Variants in SLC37A2 observed in about 807,000 individuals in gnomAD.
SLC37A2 encodes glucose-6-phosphate exchanger SLC37A2.
Under a neutral mutation model 70.7 loss-of-function variants are expected in SLC37A2, and 59 were observed. That is an observed-to-expected ratio of 0.83 (90% CI 0.68 to 1.04). The LOEUF (loss-of-function observed/expected upper bound fraction) is 1.04, where lower values mean the gene tolerates loss of function less well. Among genes scored for constraint, SLC37A2 ranks in the 50% least tolerant of loss-of-function variants. The pLI, the probability that SLC37A2 is intolerant of heterozygous loss-of-function variation, is 0.00. For missense variants in SLC37A2, 580 were observed against 658.1 expected, an observed-to-expected ratio of 0.88 and a Z score of 1.30; for synonymous variants, 257 against 262.1, an observed-to-expected ratio of 0.98 and a Z score of 0.19.
chr11:125,086,047 C>T (rs1295925359), intron 17 of SLC37A2, 29 bp downstream of exon 17: 1 of 1,604,794 alleles, frequency 6.2e-7, no homozygotes. Flanking sequence ...AGCTGCCCCT[C>T]TACCAACCTC....
chr11:125,076,121 G>A (rs895617131), intron 1 of SLC37A2, among the ~76,000 whole-genome samples: 1 of 152,108 alleles, frequency 6.6e-6, no homozygotes, highest in Non-Finnish European at 1.5e-5. Context: ...GATGAGACGT[G>A]AGGGGTGAGA....
intron 14 of SLC37A2, 33 bp downstream of exon 14, chr11:125,085,172 C>T (rs370447589): frequency 3.9e-5 from 62 of 1,600,144 alleles, no homozygotes; most frequent in Admixed American, 1.0e-4. Context: ...GGCCAGGGAC[C>T]GTTCTGGGGG....
At chr11:125,079,533 C>T (rs1450580756) in intron 5 of SLC37A2, 151 bp from the exon 6 acceptor site, 2 of 658,956 alleles carry the variant, frequency 3.0e-6, no homozygotes, top group Non-Finnish European at 2.6e-6. Flanking sequence ...GGAGGTGTGG[C>T]ATGTGTGTAA....
chr11:125,080,377 A>G lies in SLC37A2; in HGVS notation c.528-237A>G, dbSNP rs761251146. On this transcript the variant is annotated intron_variant, in intron 6 of 17. Transcript: ENST00000403796. The surrounding 1 kb of genome is among the most constrained non-coding windows in gnomAD (Gnocchi z 4.3). Reference sequence around the variant, plus strand: ...TGCCCTCAGTGTGGCTAGAGCTCCCATCGGCACTCACTCAGGGAGCTGGGC... The same window carrying G: ...TGCCCTCAGTGTGGCTAGAGCTCCCGTCGGCACTCACTCAGGGAGCTGGGC... Among the ~76,000 whole-genome samples, 3 of 152,162 alleles carry G rather than the reference A, an allele frequency of 2.0e-5. No homozygotes were observed. The highest frequency in any genetic ancestry group is 4.4e-5 in the Non-Finnish European group (3 of 68,024).
intron 1 of SLC37A2, among the ~76,000 whole-genome samples, chr11:125,071,385 G>A (rs574853847): frequency 3.9e-5 from 6 of 152,232 alleles, no homozygotes; most frequent in East Asian, 3.9e-4. Flanking sequence ...CTGTTATTCC[G>A]GCTGCTGATC....
chr11:125,069,752 G>A (rs1002227724), intron 1 of SLC37A2, among the ~76,000 whole-genome samples: 3 of 152,248 alleles, frequency 2.0e-5, no homozygotes, highest in African/African-American at 7.2e-5. Context: ...GTCATGTGGC[G>A]CCAGGTGTGT....
At chr11:125,076,913 C>A in intron 2 of SLC37A2, 75 bp downstream of exon 2, 2 of 1,432,728 alleles carry the variant, frequency 1.4e-6, no homozygotes, top group Non-Finnish European at 9.7e-7. Flanking sequence ...CCATGGCCAC[C>A]GAGGTTGCAC....
At chr11:125,081,271 C>T (rs1432642679) in intron 7 of SLC37A2, 150 bp from the exon 8 acceptor site, 1 of 741,266 alleles carries the variant, frequency 1.3e-6, no homozygotes, top group Non-Finnish European at 2.2e-6. Flanking sequence ...CTCCCTCCTG[C>T]TGGGACACAC....
At chr11:125,068,599 G>A (rs1482060301) in intron 1 of SLC37A2, among the ~76,000 whole-genome samples, 1 of 152,214 alleles carries the variant, frequency 6.6e-6, no homozygotes, top group African/African-American at 2.4e-5. Context: ...GAGGACCAGC[G>A]AGGGGAATGC....
At chr11:125,074,935 C>T (rs1168383704) in intron 1 of SLC37A2, among the ~76,000 whole-genome samples, 1 of 152,194 alleles carries the variant, frequency 6.6e-6, no homozygotes, top group African/African-American at 2.4e-5. Context: ...AAGGCTGGTC[C>T]TGCTGCCTGG....
Position 125,085,053 on chromosome 11 carries a change from T to C in SLC37A2, c.1175-13T>C, listed in dbSNP as rs1157065549. The C allele has an allele frequency of 1.2e-6, 2 of 1,613,810 alleles. No individual in the cohort carries two copies. Among genetic ancestry groups the C allele is most frequent in the Admixed American group, 3.3e-5 (2 of 60,008 alleles). Reference sequence around the variant, plus strand: ...TGCTGCTTCTCTGACTGGCTGTCTCTATGCTGTCCCAGTGATGCTGATCAT... The same window carrying C: ...TGCTGCTTCTCTGACTGGCTGTCTCCATGCTGTCCCAGTGATGCTGATCAT... On this transcript the variant is annotated splice_polypyrimidine_tract_variant and intron_variant, in intron 13 of 17. Coordinates refer to ENST00000403796, the MANE Select transcript of SLC37A2 (RefSeq NM_001145290.2).
Position 125,081,771 on chromosome 11 carries a change from C to T in SLC37A2, c.750C>T (p.Asn250=). The change falls in exon 9 of 18, where the codon AAC becomes AAT. Residue 250 remains asparagine (N), a synonymous_variant. Transcript: ENST00000403796. ...CTGCTCAGGGTGAGCCAGCTGAGAACCAGGACAACCCTGAGGACCCTGGGA... is the reference window on the plus strand; with the variant it reads ...CTGCTCAGGGTGAGCCAGCTGAGAATCAGGACAACCCTGAGGACCCTGGGA... The part of the protein sequence containing the change: ...PPQHHGEPAE[N]QDNPEDPGNS... 1 of 1,603,190 alleles carries T rather than the reference C, an allele frequency of 6.2e-7. No individual in the cohort carries two copies. The highest frequency in any genetic ancestry group is 8.5e-7 in the Non-Finnish European group (1 of 1,174,850).
chr11:125,086,172 C>A, intron 17 of SLC37A2, 154 bp downstream of exon 17: 1 of 1,599,632 alleles, frequency 6.3e-7, no homozygotes, highest in Non-Finnish European at 8.6e-7. Flanking sequence ...CCCTGCTAAC[C>A]TGTCCTCTGT....
Position 125,084,334 on chromosome 11 carries a change from G to A in SLC37A2, c.1125+15G>A, listed in dbSNP as rs532962515. ...CTGCCCCCATGGTGCGTATAACCCC[G>A]AGGGTGAAGTGCGAATGCATGTGAG... On this transcript the variant is annotated intron_variant, in intron 12 of 17. Coordinates refer to ENST00000403796, the MANE Select transcript of SLC37A2 (RefSeq NM_001145290.2). 38 of 1,613,820 alleles carry A rather than the reference G, an allele frequency of 2.4e-5. No homozygotes were observed. Among genetic ancestry groups the A allele is most frequent in the East Asian group, 1.1e-4 (5 of 44,888 alleles).
chr11:125,072,810 A>C (rs961818983), intron 1 of SLC37A2, among the ~76,000 whole-genome samples: 3 of 152,136 alleles, frequency 2.0e-5, no homozygotes, highest in African/African-American at 7.2e-5. Flanking sequence ...AACACCTGAC[A>C]ATGGGGAATG....
At position 125,081,753 on chromosome 11, in the gene SLC37A2, G is replaced by T; in HGVS notation, c.733-1G>T. The T allele has an allele frequency of 6.3e-7, 1 of 1,592,406 alleles. No homozygotes were observed. The highest frequency in any genetic ancestry group is 8.6e-7 in the Non-Finnish European group (1 of 1,168,720). On this transcript the variant is annotated splice_acceptor_variant, in intron 8 of 17. Coordinates refer to ENST00000403796, the MANE Select transcript of SLC37A2 (RefSeq NM_001145290.2). LOFTEE classifies it high-confidence loss of function. ...CAGCAGGGCTCATCTCCTCTGCTCA[G>T]GGTGAGCCAGCTGAGAACCAGGACA...
chr11:125,082,036 C>T, intron 9 of SLC37A2, 130 bp downstream of exon 9: 1 of 1,156,130 alleles, frequency 8.6e-7, no homozygotes, highest in Non-Finnish European at 1.2e-6. Context: ...AGTTGGGCAG[C>T]CTGCTTGGGG....
rs887089622 is a variant in SLC37A2 at position 125,063,816 on chromosome 11, G to A, written c.59+390G>A. Among the ~76,000 whole-genome samples the A allele has an allele frequency of 6.6e-5, 10 of 152,228 alleles. No individual in the cohort carries two copies. The highest frequency in any genetic ancestry group is 2.4e-4 in the African/African-American group (10 of 41,464). ...GCTGGGGAACCGAGGCCAGGGGATG[G>A]TAGAGGAAAGGGGTTGCCACTGGGG... On this transcript the variant is annotated intron_variant, in intron 1 of 17. Transcript: ENST00000403796. This position sits in a 1 kb window ranked among gnomAD's most constrained non-coding sequence, Gnocchi z 5.4.
At chr11:125,082,407 G>C in intron 10 of SLC37A2, 73 bp downstream of exon 10, 1 of 1,319,354 alleles carries the variant, frequency 7.6e-7, no homozygotes, top group Non-Finnish European at 1.1e-6. Context: ...GAGGAAGCCC[G>C]TCGTGGTGAT....
Sources: allele counts gnomAD v4.1 joint callset (sites outside exome capture counted in the v4.1 genomes callset), GRCh38; gene constraint gnomAD v4.1.1; non-coding constraint Gnocchi (gnomAD v3.1); transcripts MANE v1.5; gene names NCBI Gene and HGNC (gene_info 2026-07-23, HGNC 2026-07-21).